NPSR1: variants seen among roughly 807,000 people sequenced by gnomAD.
NPSR1 encodes the protein neuropeptide S receptor 1.
Under a neutral mutation model 46.9 loss-of-function variants are expected in NPSR1, and 48 were observed. That is an observed-to-expected ratio of 1.02 (90% CI 0.81 to 1.30). The LOEUF (loss-of-function observed/expected upper bound fraction) is 1.30, where lower values mean the gene tolerates loss of function less well. Ranked by LOEUF, NPSR1 falls within the 50% of genes most tolerant of loss-of-function variation. The probability of loss-of-function intolerance (pLI) is 0.00; values close to 1 mark genes in which losing one functional copy is unlikely to be tolerated. For synonymous variants in NPSR1, 176 were observed against 168.1 expected (o/e 1.05, Z -0.36); for missense variants, 450 against 449.5 (o/e 1.00, Z -0.01).
intron 2 of NPSR1, among the ~76,000 whole-genome samples, chr7:34,758,990 T>C (rs1362717821): frequency 6.6e-6 from 1 of 152,204 alleles, no homozygotes; most frequent in African/African-American, 2.4e-5. Flanking sequence ...TTTGGGTTTG[T>C]GTGATGTTTC....
chr7:34,678,468 A>AGTAAATC (rs1792440931), intron 1 of NPSR1, among the ~76,000 whole-genome samples: 1 of 152,134 alleles, frequency 6.6e-6, no homozygotes, highest in Non-Finnish European at 1.5e-5. Context: ...AAGAAACAGG[A>AGTAAATC]GTAAATCTTG....
chr7:34,849,300 C>G, intron 8 of NPSR1: 1 of 1,482,712 alleles, frequency 6.7e-7, no homozygotes, highest in Non-Finnish European at 9.2e-7. Flanking sequence ...CTGTAAACCT[C>G]AGCTTCTTCA....
chr7:34,751,658 C>A, intron 2 of NPSR1: 2 of 1,594,590 alleles, frequency 1.3e-6, no homozygotes, highest in East Asian at 2.2e-5. Flanking sequence ...TGCAGAGCCA[C>A]ATCCCCAGCC....
In NPSR1 at chr7:34,735,519, C is replaced by T. The variant is rs1030691138; in HGVS notation, c.281-42943C>T. Among the ~76,000 whole-genome samples, 3 of 152,206 alleles carry T rather than the reference C, an allele frequency of 2.0e-5. No individual in the cohort carries two copies. The East Asian group carries it at 5.8e-4, about 29-fold the overall frequency. On this transcript the variant is annotated intron_variant, in intron 2 of 8. Transcript: ENST00000360581. ...CTGTTTCTACATACCTTATGCCTTC[C>T]CTCCAAAGAATAAATTAAGTGATTA...
chr7:34,836,234 T>C (rs578090297), intron 6 of NPSR1, among the ~76,000 whole-genome samples: 1 of 152,282 alleles, frequency 6.6e-6, no homozygotes, highest in East Asian at 1.9e-4. Flanking sequence ...TTCTATTCAG[T>C]GCAGTTGGCT....
At chr7:34,780,186 A>G (rs1306367622) in intron 3 of NPSR1, among the ~76,000 whole-genome samples, 2 of 152,204 alleles carry the variant, frequency 1.3e-5, no homozygotes, top group African/African-American at 2.4e-5. Flanking sequence ...TTTTGGTTGT[A>G]CAAATCAACT....
At chr7:34,664,094 T>C (rs2128670196) in intron 1 of NPSR1, among the ~76,000 whole-genome samples, 1 of 152,340 alleles carries the variant, frequency 6.6e-6, no homozygotes, top group African/African-American at 2.4e-5. Flanking sequence ...CTATTTTTCT[T>C]AAATAAACTG....
intron 3 of NPSR1, among the ~76,000 whole-genome samples, chr7:34,790,967 A>ATGTTATATGTTATATTATATATGT (rs1787778278): frequency 1.3e-5 from 1 of 75,016 alleles, no homozygotes; most frequent in Non-Finnish European, 2.6e-5. Context: ...ATGTTATATT[A>ATGTTATATGTTATATTATATATGT]TATATGTTAT....
At chr7:34,750,929 G>A (rs754538289) in intron 2 of NPSR1, 4 of 744,958 alleles carry the variant, frequency 5.4e-6, no homozygotes, top group Admixed American at 1.7e-5. Flanking sequence ...CCAGCTCGGG[G>A]TCTGACAGGT....
At chr7:34,792,734 T>TATTTATA (rs58315247) in intron 3 of NPSR1, among the ~76,000 whole-genome samples, 3 of 123,288 alleles carry the variant, frequency 2.4e-5, no homozygotes, top group East Asian at 2.4e-4. Flanking sequence ...TATATATATA[T>TATTTATA]TAGCCAGGCA....
At chr7:34,850,198 T>A (rs753794112), downstream of NPSR1, among the ~76,000 whole-genome samples, 1 of 152,206 alleles carries the variant, frequency 6.6e-6, no homozygotes, top group Non-Finnish European at 1.5e-5. Context: ...GGTTTGCAGA[T>A]GGGTGTGCTG....
At chr7:34,795,850 C>T (rs1562735600) in intron 3 of NPSR1, among the ~76,000 whole-genome samples, 1 of 152,092 alleles carries the variant, frequency 6.6e-6, no homozygotes, top group Admixed American at 6.6e-5. Context: ...GTAGATTCAA[C>T]ACAGTCCCAG....
intron 3 of NPSR1, among the ~76,000 whole-genome samples, chr7:34,785,678 A>T (rs1787434399): frequency 6.6e-6 from 1 of 152,134 alleles, no homozygotes; most frequent in Non-Finnish European, 1.5e-5. Flanking sequence ...AAAAATAATA[A>T]TAGCTACAAT....
intron 2 of NPSR1, among the ~76,000 whole-genome samples, chr7:34,741,329 GT>G (rs886195425): frequency 3.3e-5 from 5 of 151,900 alleles, no homozygotes; most frequent in Admixed American, 1.3e-4. Context: ...GTCTTCTCAT[GT>G]TTTTTTTGAG....
intron 1 of NPSR1, among the ~76,000 whole-genome samples, chr7:34,678,884 A>G (rs1336603608): frequency 6.6e-6 from 1 of 152,174 alleles, no homozygotes; most frequent in Non-Finnish European, 1.5e-5. Context: ...TAAACAATGG[A>G]AAGCAGAATA....
intron 2 of NPSR1, among the ~76,000 whole-genome samples, chr7:34,769,986 C>G (rs947626952): frequency 2.6e-5 from 4 of 152,178 alleles, no homozygotes; most frequent in African/African-American, 9.7e-5. Context: ...TAGCTTTTTA[C>G]TGATCAGCAT....
intron 7 of NPSR1, among the ~76,000 whole-genome samples, chr7:34,846,625 A>T (rs767674791): frequency 6.6e-6 from 1 of 152,228 alleles, no homozygotes; most frequent in East Asian, 1.9e-4. Flanking sequence ...AACAGCCACA[A>T]TGAAAACCAA....
At chr7:34,721,044 T>C (rs936145417) in intron 2 of NPSR1, among the ~76,000 whole-genome samples, 5 of 152,144 alleles carry the variant, frequency 3.3e-5, no homozygotes, top group Admixed American at 3.3e-4. Flanking sequence ...TTCAAGGAAA[T>C]GTTTTACTGT....
intron 5 of NPSR1, among the ~76,000 whole-genome samples, chr7:34,829,952 C>T (rs1790038895): frequency 1.3e-5 from 2 of 152,200 alleles, no homozygotes; most frequent in Admixed American, 1.3e-4. Flanking sequence ...GAAGCATTTC[C>T]TACCTGACAA....
Sources: allele counts gnomAD v4.1 joint callset (sites outside exome capture counted in the v4.1 genomes callset), GRCh38; gene constraint gnomAD v4.1.1; transcripts MANE v1.5; gene names NCBI Gene and HGNC (gene_info 2026-07-23, HGNC 2026-07-21).